The following RPL13 variants were observed in gnomAD, a reference collection of about 807,000 sequenced individuals.
RPL13 encodes the protein large ribosomal subunit protein eL13.
A neutral mutation model predicts 21.4 loss-of-function variants in RPL13; 1 was observed. That is an observed-to-expected ratio of 0.05 (90% CI 0.02 to 0.22). The LOEUF (loss-of-function observed/expected upper bound fraction) is 0.22. RPL13 is among the 10% of genes least tolerant of loss of function. RPL13 has a pLI of 1.00. For missense variants in RPL13, 289 were observed against 303.0 expected (o/e 0.95, Z 0.34); for synonymous variants, 143 against 120.5 (o/e 1.19, Z -1.23).
downstream of RPL13, chr16:89,565,050 T>C (rs2058774282): frequency 6.6e-6 from 1 of 151,980 alleles, no homozygotes; most frequent in African/African-American, 2.4e-5. Context: ...TGGGGCGGGG[T>C]AGTCTGCACT....
chr16:89,565,928 G>C (rs1249438887), downstream of RPL13: 1 of 152,344 alleles, frequency 6.6e-6, no homozygotes, highest in Non-Finnish European at 1.5e-5. Flanking sequence ...AAACTGACCT[G>C]TGTGCCACGA....
In RPL13 at chr16:89,564,175, G is replaced by T. The variant is rs1009792163; in HGVS notation, c.*1133G>T. 6.6e-6 allele frequency: 1 copy of T among 152,112 alleles called. No individual in the cohort carries two copies. The highest frequency in any genetic ancestry group is 2.4e-5 in the African/African-American group (1 of 41,440). The allele number at this position is 152,112 out of a possible 1,614,324, so 9.4% of individuals were successfully genotyped here. A position where few individuals can be genotyped will look rare whatever the true frequency, so the allele number is the denominator to read the frequency against. On this transcript the variant is annotated 3_prime_UTR_variant, in exon 6 of 6. Transcript: ENST00000311528. ...GAGTCAGATTCTGTTTTGTCTACATGCCTCTGCCGGGTGCCGGTATTGAGG... is the reference window on the plus strand; with the variant it reads ...GAGTCAGATTCTGTTTTGTCTACATTCCTCTGCCGGGTGCCGGTATTGAGG...
At chr16:89,565,077 C>A (rs965866969), downstream of RPL13, 1 of 146,004 alleles carries the variant, frequency 6.8e-6, no homozygotes, top group Non-Finnish European at 1.5e-5. Context: ...GCCAGAGTCC[C>A]CTCCTCATTT....
chr16:89,562,447 T>TG, intron 5 of RPL13, 56 bp downstream of exon 5: 3 of 1,554,150 alleles, frequency 1.9e-6, no homozygotes, highest in Non-Finnish European at 1.8e-6. Context: ...GGTGAACACG[T>TG]GGGTATCTGA....
At chr16:89,562,494 T>C (rs2058752777) in intron 5 of RPL13, 103 bp downstream of exon 5, 1 of 1,107,380 alleles carries the variant, frequency 9.0e-7, no homozygotes, top group African/African-American at 1.6e-5. Flanking sequence ...AGAACGTTAA[T>C]AGTGGCAGTT....
intron 3 of RPL13, 96 bp downstream of exon 3, chr16:89,561,464 C>T (rs780980999): frequency 9.3e-6 from 15 of 1,611,958 alleles, no homozygotes; most frequent in African/African-American, 4.0e-5. Flanking sequence ...GCTGTACGGC[C>T]TTGATGAAAG....
In RPL13 at chr16:89,563,297, A is replaced by G. The variant is rs1171502633; in HGVS notation, c.*255A>G. On this transcript the variant is annotated 3_prime_UTR_variant, in exon 6 of 6. Transcript: ENST00000311528. Reference sequence around the variant, plus strand: ...GGGAGGTTACAGAGGCTGACTTCAGAGTGGACTTGTGTTTTTTCTTTTTAA... The same window carrying G: ...GGGAGGTTACAGAGGCTGACTTCAGGGTGGACTTGTGTTTTTTCTTTTTAA... 1.7e-5 allele frequency: 5 copies of G among 301,310 alleles called. No individual in the cohort carries two copies. In the South Asian group the frequency reaches 5.3e-4, roughly 32 times the overall value. 18.7% of individuals were successfully genotyped at this position (301,310 alleles called of 1,614,324 possible). A position where few individuals can be genotyped will look rare whatever the true frequency, so the allele number is the denominator to read the frequency against.
rs376324664 is a variant in RPL13 at position 89,561,123 on chromosome 16, C to T, written c.104+60C>T. On this transcript the variant is annotated intron_variant, in intron 2 of 5. Coordinates refer to ENST00000311528, the MANE Select transcript of RPL13 (RefSeq NM_000977.4). ...GTGCCCGCGGCTGCGCCTTGGCTTG[C>T]GGGTGGCCGATGCCAGGGCGGGGGG... The T allele has an allele frequency of 1.6e-4, 246 of 1,542,174 alleles. 1 individual carries two copies. The East Asian group carries it at 4.3e-3, about 27-fold the overall frequency.
At chr16:89,561,853 C>G (rs1048859693) in intron 4 of RPL13, 102 bp downstream of exon 4, 15 of 1,300,514 alleles carry the variant, frequency 1.2e-5, no homozygotes, top group East Asian at 2.4e-5. Context: ...GTGAGAAGAA[C>G]CAAAACATTG....
chr16:89,560,901 CG>C (rs1026069806), intron 1 of RPL13, 38 bp from the exon 2 acceptor site: 43 of 1,480,336 alleles, frequency 2.9e-5, no homozygotes, highest in Non-Finnish European at 3.7e-5. Context: ...TGCGCGCGCC[CG>C]GGGTCCGGCC....
At chr16:89,560,668 T>C (rs375575770), upstream of RPL13, 5 of 344,004 alleles carry the variant, frequency 1.5e-5, no homozygotes, top group Non-Finnish European at 2.7e-5. Context: ...CAGAGTGCAT[T>C]GCGGGGCCGC....
chr16:89,564,942 T>C (rs1166037440), downstream of RPL13: 1 of 152,306 alleles, frequency 6.6e-6, no homozygotes, highest in Non-Finnish European at 1.5e-5. Flanking sequence ...CCTTGCTGTT[T>C]TTACTGTGGG....
At chr16:89,562,101 C>G in intron 4 of RPL13, 1 of 594,628 alleles carries the variant, frequency 1.7e-6, no homozygotes, top group South Asian at 2.1e-5. Context: ...CTCTGCCCCG[C>G]CCGTGGTTCA....
chr16:89,564,735 C>T (rs2058771411), downstream of RPL13: 1 of 152,346 alleles, frequency 6.6e-6, no homozygotes, highest in Non-Finnish European at 1.5e-5. Context: ...CTGAAGATTT[C>T]TGGTGGATTC....
intron 1 of RPL13, 38 bp from the exon 2 acceptor site, chr16:89,560,902 G>C: frequency 1.3e-6 from 2 of 1,487,418 alleles, no homozygotes; most frequent in Admixed American, 4.0e-5. Context: ...GCGCGCGCCC[G>C]GGGTCCGGCC....
intron 1 of RPL13, 25 bp downstream of exon 1, chr16:89,560,737 T>G: frequency 4.0e-6 from 2 of 504,594 alleles, no homozygotes; most frequent in Admixed American, 7.9e-5. Flanking sequence ...GTCCTGGCCT[T>G]TGGGCATCAT....
At chr16:89,561,775 T>A (rs1490493581) in intron 4 of RPL13, 24 bp downstream of exon 4, 2 of 1,605,096 alleles carry the variant, frequency 1.2e-6, no homozygotes, top group Non-Finnish European at 1.7e-6. Context: ...TCTCTGGCCG[T>A]CCTGGTGCGC....
rs112532997 is a variant in RPL13 at position 89,561,995 on chromosome 16, C to T, written c.420+244C>T. ...TGACGTTGCTCTCCCTAAAATGCTTCGTATTCCAAAATATTTCTAGAAAGA... is the reference window on the plus strand; with the variant it reads ...TGACGTTGCTCTCCCTAAAATGCTTTGTATTCCAAAATATTTCTAGAAAGA... On this transcript the variant is annotated intron_variant, in intron 4 of 5. Coordinates refer to ENST00000311528, the MANE Select transcript of RPL13 (RefSeq NM_000977.4). 82 of 591,740 alleles carry T rather than the reference C, an allele frequency of 1.4e-4. No individual in the cohort carries two copies. In the African/African-American group the frequency reaches 1.4e-3, roughly 10 times the overall value. The allele number at this position is 591,740 out of a possible 1,614,324, so 36.7% of individuals were successfully genotyped here. A position where few individuals can be genotyped will look rare whatever the true frequency, so the allele number is the denominator to read the frequency against.
chr16:89,560,777 A>C, intron 1 of RPL13, 65 bp downstream of exon 1: 2 of 537,608 alleles, frequency 3.7e-6, no homozygotes, highest in Non-Finnish European at 6.5e-6. Flanking sequence ...GCTTCAGCCA[A>C]CGCGGGAGTG....
Sources: allele counts gnomAD v4.1 joint callset, GRCh38; gene constraint gnomAD v4.1.1; transcripts MANE v1.5; gene names NCBI Gene and HGNC (gene_info 2026-07-23, HGNC 2026-07-21).